ESPL1: variants seen among roughly 807,000 people sequenced by gnomAD.
ESPL1 encodes extra spindle pole bodies like 1, separase.
A neutral mutation model predicts 217.2 loss-of-function variants in ESPL1; 50 were observed. The ratio of observed to expected loss-of-function variants is 0.23; its 90% CI spans 0.18 to 0.29. The LOEUF is 0.29. Among genes scored for constraint, ESPL1 ranks in the 10% least tolerant of loss-of-function variants. The probability of loss-of-function intolerance (pLI) is 1.00; values close to 1 mark genes in which losing one functional copy is unlikely to be tolerated. For missense variants in ESPL1, 1,834 were observed against 2,603.0 expected (o/e 0.70, Z 6.43); for synonymous variants, 994 against 1,081.3 (o/e 0.92, Z 1.58).
Position 53,288,130 on chromosome 12 carries a change from C to T in ESPL1, c.4335C>T (p.Ala1445=), listed in dbSNP as rs774918542. 37 of 1,613,510 alleles carry T rather than the reference C, an allele frequency of 2.3e-5. No homozygotes were observed. The highest frequency in any genetic ancestry group is 3.0e-5 in the Non-Finnish European group (35 of 1,179,914). The stretch of plus-strand genomic sequence containing the variant: ...ATGCCGTGGTTGCCCCAGGTAGTGC[C>T]CCTGGGAACCCTGGCCTGAATGGCA... ...KTDAVVAPGS[A]PGNPGLNGRS... Residue 1445 remains alanine (A), a synonymous_variant, in exon 19 of 31, where the codon GCC becomes GCT. Transcript: ENST00000257934.
rs1692420743 is a variant in ESPL1, at chr12:53,274,961, C to T, written c.1651C>T (p.Arg551Trp). Residue 551 changes from arginine (R) to tryptophan (W), a missense_variant, in exon 7 of 31, where the codon CGG becomes TGG. By Grantham distance (101) the Arg-to-Trp change is moderately radical. Transcript: ENST00000257934. The stretch of plus-strand genomic sequence containing the variant: ...GGCTGAGCCAGTCACTTTCTGGGTT[C>T]GGGTCAAGATGGATGCGGCCAGGGC... ...HMAEPVTFWV[R>W]VKMDAARAGD... 2 of 1,588,368 alleles carry T rather than the reference C, an allele frequency of 1.3e-6. No homozygotes were observed. Among genetic ancestry groups the T allele is most frequent in the Non-Finnish European group, 1.7e-6 (2 of 1,168,144 alleles).
chr12:53,292,621 A>T lies in ESPL1; in HGVS notation c.5960A>T (p.Gln1987Leu). ...GVVGEVPRPE[Q>L]VQEALTKHDL... ...GTTGGGGAGGTGCCAAGACCTGAAC[A>T]GGTGCAGGAAGCCCTGACAAAGCAT... Residue 1987 changes from glutamine to leucine, a missense_variant, in exon 29 of 31, where the codon CAG becomes CTG. By Grantham distance (113) the Gln-to-Leu change is moderately radical. Coordinates refer to ENST00000257934, the MANE Select transcript of ESPL1 (RefSeq NM_012291.5). The surrounding 1 kb of genome is among the most constrained non-coding windows in gnomAD (Gnocchi z 4.5). The T allele has an allele frequency of 6.2e-7, 1 of 1,613,010 alleles. No individual in the cohort carries two copies. The highest frequency in any genetic ancestry group is 8.5e-7 in the Non-Finnish European group (1 of 1,179,968).
chr12:53,272,325 G>T (rs548495625), intron 5 of ESPL1, among the ~76,000 whole-genome samples: 2 of 152,256 alleles, frequency 1.3e-5, no homozygotes, highest in East Asian at 3.9e-4. Flanking sequence ...GGAGTCTAAG[G>T]TGCATGACGG....
Position 53,289,201 on chromosome 12 carries a change from G to T in ESPL1, c.4820G>T (p.Cys1607Phe), listed in dbSNP as rs1032354540. Reference sequence around the variant, plus strand: ...CACCTCTGCCGCTTCCTGGCCTTGTGCCTGGGCCACCGGGATCCTTATGCC... The same window carrying T: ...CACCTCTGCCGCTTCCTGGCCTTGTTCCTGGGCCACCGGGATCCTTATGCC... ...YAHLCRFLALCLGHRDPYATA... is the reference protein window; with the variant it reads ...YAHLCRFLALFLGHRDPYATA... The change falls in exon 21 of 31, where the codon TGC becomes TTC. Residue 1607 changes from cysteine (C) to phenylalanine (F), a missense_variant. Around this residue, in one of 5 missense-constraint regions of ESPL1, gnomAD observed 681 missense variants for 808.0 expected, o/e 0.84. Coordinates refer to ENST00000257934, the MANE Select transcript of ESPL1 (RefSeq NM_012291.5). 5 of 1,613,918 alleles carry T rather than the reference G, an allele frequency of 3.1e-6. No homozygotes were observed. Among genetic ancestry groups the T allele is most frequent in the Non-Finnish European group, 4.2e-6 (5 of 1,180,032 alleles).
intron 16 of ESPL1, 102 bp downstream of exon 16, chr12:53,283,640 A>G: frequency 8.4e-7 from 1 of 1,191,560 alleles, no homozygotes; most frequent in Non-Finnish European, 1.2e-6. Context: ...CTATGTTTAG[A>G]TACATTCGTG....
At chr12:53,279,647 C>T in intron 11 of ESPL1, 85 bp from the exon 12 acceptor site, 1 of 1,568,050 alleles carries the variant, frequency 6.4e-7, no homozygotes, top group East Asian at 2.3e-5. Context: ...AACTACAGTC[C>T]AAGGTCCCAA....
intron 23 of ESPL1, 49 bp downstream of exon 23, chr12:53,290,261 G>T (rs776746574): frequency 1.2e-6 from 2 of 1,611,576 alleles, no homozygotes; most frequent in Non-Finnish European, 1.7e-6. Context: ...TGGGCTTCGG[G>T]TCAAGCTGCT....
At chr12:53,271,412 A>G (rs1943672095) in intron 5 of ESPL1, among the ~76,000 whole-genome samples, 1 of 151,698 alleles carries the variant, frequency 6.6e-6, no homozygotes, top group African/African-American at 2.4e-5. Flanking sequence ...TGTAGAGATG[A>G]TGTCTGGCCA....
At chr12:53,288,448 G>T in intron 19 of ESPL1, 90 bp from the exon 20 acceptor site, 11 of 1,534,772 alleles carry the variant, frequency 7.2e-6, no homozygotes, top group South Asian at 1.3e-5. Context: ...ATGTTCTTTT[G>T]CTGACTCTAA....
rs1173512798 is a variant in ESPL1 at position 53,286,850 on chromosome 12, G to A, written c.4114G>A (p.Glu1372Lys). 1 of 1,613,980 alleles carries A rather than the reference G, an allele frequency of 6.2e-7. No individual in the cohort carries two copies. The highest frequency in any genetic ancestry group is 2.2e-5 in the East Asian group (1 of 44,866). ...FTVFEEVCPTESKPEVPQAPR... is the reference protein window; with the variant it reads ...FTVFEEVCPTKSKPEVPQAPR... ...GGTGTTTGAGGAAGTCTGCCCTACAGAGAGCAAGCCTGAAGTACCCCAGGC... is the reference window on the plus strand; with the variant it reads ...GGTGTTTGAGGAAGTCTGCCCTACAAAGAGCAAGCCTGAAGTACCCCAGGC... Residue 1372 changes from glutamate to lysine, a missense_variant, in exon 18 of 31, where the codon GAG (glutamate) becomes AAG (lysine). Around this residue, in one of 5 missense-constraint regions of ESPL1, gnomAD observed 681 missense variants for 808.0 expected, o/e 0.84. Transcript: ENST00000257934. The surrounding 1 kb of genome is among the most constrained non-coding windows in gnomAD (Gnocchi z 5.3).
In ESPL1 at chr12:53,286,372, C is replaced by A. The variant is rs1943948448; in HGVS notation, c.3636C>A (p.Pro1212=). 4.3e-6 allele frequency: 7 copies of A among 1,614,106 alleles called. No homozygotes were observed. In the Middle Eastern group the frequency reaches 6.6e-4, roughly 152 times the overall value. The change falls in exon 18 of 31, where the codon CCC becomes CCA. Residue 1212 remains proline (P), a synonymous_variant. Coordinates refer to ENST00000257934, the MANE Select transcript of ESPL1 (RefSeq NM_012291.5). The surrounding 1 kb of genome is among the most constrained non-coding windows in gnomAD (Gnocchi z 5.3). ...CTTCCCTGAATCATAAAACACCCCC[C>A]TCCTTGGTTCCAAGCCTCTTGGATG... ...LQASLNHKTP[P]SLVPSLLDEI... is the part of the protein sequence containing the mutation.
chr12:53,283,098 T>A, intron 14 of ESPL1, 31 bp from the exon 15 acceptor site: 1 of 1,613,670 alleles, frequency 6.2e-7, no homozygotes, highest in Non-Finnish European at 8.5e-7. Context: ...TCTGGCTGCA[T>A]CTTCTCCCTT....
chr12:53,283,002 T>C (rs1395572977), intron 14 of ESPL1, 127 bp from the exon 15 acceptor site: 3 of 1,222,514 alleles, frequency 2.5e-6, no homozygotes, highest in Admixed American at 2.0e-5. Context: ...GAAGGAGTTA[T>C]GAGATTGATT....
At chr12:53,273,834 T>G (rs951876957) in intron 6 of ESPL1, among the ~76,000 whole-genome samples, 1 of 138,752 alleles carries the variant, frequency 7.2e-6, no homozygotes, top group African/African-American at 2.7e-5. Flanking sequence ...CTTGGTTTTT[T>G]GGTTTTTTTT....
intron 12 of ESPL1, 125 bp from the exon 13 acceptor site, chr12:53,281,382 G>A (rs1943859067): frequency 9.4e-6 from 8 of 854,898 alleles, no homozygotes; most frequent in Admixed American, 4.7e-5. Context: ...CAGGTGATCC[G>A]CCCACCTTGG....
At position 53,269,249 on chromosome 12, in the gene ESPL1, G is replaced by T; in HGVS notation, c.307G>T (p.Val103Phe). 6.2e-7 allele frequency: 1 copy of T among 1,614,174 alleles called. No individual in the cohort carries two copies. Among genetic ancestry groups the T allele is most frequent in the Non-Finnish European group, 8.5e-7 (1 of 1,180,030 alleles). ...PPLYLERILF[V>F]LLRNAAAQGS... ...CCTCTACCTGGAACGAATTCTCTTT[G>T]TCTTACTGCGGAATGCTGCTGCACA... The change falls in exon 3 of 31, where the codon GTC (valine) becomes TTC (phenylalanine). Residue 103 changes from valine (V) to phenylalanine (F), a missense_variant. Physicochemically the swap from Val to Phe is conservative, Grantham distance 50 (BLOSUM62 -1). Transcript: ENST00000257934. The surrounding 1 kb of genome is among the most constrained non-coding windows in gnomAD (Gnocchi z 6.7).
Position 53,269,338 on chromosome 12 carries a change from T to C in ESPL1, c.396T>C (p.Ser132=). 6.2e-7 allele frequency: 1 copy of C among 1,614,150 alleles called. No homozygotes were observed. ...QPLHACLVQC[S]REAAPQDYEA... ...TCCATGCCTGCTTGGTGCAGTGCTCTCGCGAGGCTGCTCCCCAGGACTATG... is the reference window on the plus strand; with the variant it reads ...TCCATGCCTGCTTGGTGCAGTGCTCCCGCGAGGCTGCTCCCCAGGACTATG... The change falls in exon 3 of 31, where the codon TCT becomes TCC. Residue 132 remains serine (S), a synonymous_variant. Transcript: ENST00000257934. The surrounding 1 kb of genome is among the most constrained non-coding windows in gnomAD (Gnocchi z 6.7).
At position 53,277,550 on chromosome 12, in the gene ESPL1, A is replaced by C; in HGVS notation, c.2166A>C (p.Lys722Asn). The change falls in exon 10 of 31, where the codon AAA becomes AAC. Residue 722 changes from lysine (K) to asparagine (N), a missense_variant. Physicochemically the swap from Lys to Asn is moderately conservative, Grantham distance 94. Transcript: ENST00000257934. ...TCAATGACCTGAACTATGAAGATAA[A>C]CTCCAGGAAGATCGTTTCCTATACA... ...FEVNDLNYED[K>N]LQEDRFLYSN... is the part of the protein sequence containing the mutation. 1 of 1,614,054 alleles carries C rather than the reference A, an allele frequency of 6.2e-7. No individual in the cohort carries two copies. Among genetic ancestry groups the C allele is most frequent in the Non-Finnish European group, 8.5e-7 (1 of 1,179,982 alleles).
intron 5 of ESPL1, 123 bp from the exon 6 acceptor site, chr12:53,272,598 G>A: frequency 8.9e-7 from 1 of 1,125,316 alleles, no homozygotes; most frequent in Admixed American, 2.2e-5. Context: ...AGCAGTAGGG[G>A]TTCCTGTCTG....
Sources: gnomAD v4.1 joint callset for allele counts (sites outside exome capture counted in the v4.1 genomes callset) on GRCh38, gnomAD v4.1.1 for gene constraint, gnomAD v4.1.1 regional missense constraint, Gnocchi (gnomAD v3.1) non-coding constraint, MANE v1.5 for transcripts, NCBI Gene and HGNC (gene_info 2026-07-23, HGNC 2026-07-21) for gene names.